The following GFRA1 variants were observed in gnomAD, a reference collection of about 807,000 sequenced individuals.
GFRA1 encodes the protein GDNF family receptor alpha-1.
GFRA1 carries 16 observed loss-of-function variants against 51.6 expected under a neutral mutation model. The observed-to-expected ratio is 0.31, with a 90% CI of 0.21 to 0.47. The LOEUF (loss-of-function observed/expected upper bound fraction) is 0.47. GFRA1 is among the 20% of genes least tolerant of loss of function. The probability of loss-of-function intolerance (pLI) is 1.00; values close to 1 mark genes in which losing one functional copy is unlikely to be tolerated. For synonymous variants in GFRA1, 270 were observed against 241.3 expected, an observed-to-expected ratio of 1.12 and a Z score of -1.10; for missense variants, 530 against 594.3, an observed-to-expected ratio of 0.89 and a Z score of 1.13.
At chr10:116,210,267 C>T (rs943000404) in intron 5 of GFRA1, among the ~76,000 whole-genome samples, 1 of 152,122 alleles carries the variant, frequency 6.6e-6, no homozygotes, top group African/African-American at 2.4e-5. Context: ...CTCCAGTAAC[C>T]TCAACACACA....
intron 5 of GFRA1, among the ~76,000 whole-genome samples, chr10:116,204,579 A>G (rs968008137): frequency 2.6e-4 from 40 of 152,218 alleles, no homozygotes; most frequent in African/African-American, 8.9e-4. Context: ...TTCTAGTGCC[A>G]TAAGTATTAC....
At chr10:116,193,612 C>T (rs1011647210) in intron 5 of GFRA1, among the ~76,000 whole-genome samples, 11 of 152,136 alleles carry the variant, frequency 7.2e-5, no homozygotes, top group Non-Finnish European at 1.5e-4. Context: ...GTCCTGTTAC[C>T]TGAGAAGAGA....
intron 4 of GFRA1, among the ~76,000 whole-genome samples, chr10:116,231,160 C>T (rs975435461): frequency 2.0e-5 from 3 of 152,160 alleles, no homozygotes; most frequent in Non-Finnish European, 4.4e-5. Flanking sequence ...AAGCCGATGC[C>T]TGAAAAAGAT....
intron 5 of GFRA1, among the ~76,000 whole-genome samples, chr10:116,157,664 C>T (rs949132439): frequency 1.4e-4 from 22 of 152,240 alleles, no homozygotes; most frequent in Non-Finnish European, 4.4e-5. Context: ...TCCTCCTCCC[C>T]TCCTCCTGTG....
At chr10:116,240,776 G>C (rs1001975838) in intron 4 of GFRA1, among the ~76,000 whole-genome samples, 1 of 152,122 alleles carries the variant, frequency 6.6e-6, no homozygotes, top group African/African-American at 2.4e-5. Context: ...CATAGAGTGG[G>C]CTGTCTCGAC....
intron 5 of GFRA1, among the ~76,000 whole-genome samples, chr10:116,128,524 G>A (rs3781528): frequency 0.5 from 75,422 of 151,542 alleles, 20,073 homozygotes; most frequent in Admixed American, 0.63. Context: ...AGGAGATCGA[G>A]ACCACCCTGA....
chr10:116,124,584 A>G (rs542612710), intron 6 of GFRA1, among the ~76,000 whole-genome samples: 1 of 152,306 alleles, frequency 6.6e-6, no homozygotes, highest in African/African-American at 2.4e-5. Context: ...TTCAGATATC[A>G]AAGTAAATTC....
In GFRA1 at chr10:116,062,911, A is replaced by C. The variant is rs1589756168; in HGVS notation, c.*1487T>G. On this transcript the variant is annotated 3_prime_UTR_variant, in exon 11 of 11. Coordinates refer to ENST00000355422, the MANE Select transcript of GFRA1 (RefSeq NM_005264.8). ...TCTGTGCCAAGCAACTCATCTCACC[A>C]AACCTAATGTCAACCCTCTTGATCC... is the stretch of plus-strand genomic sequence containing the variant. 1.3e-5 allele frequency: 2 copies of C among 152,328 alleles called. No individual in the cohort carries two copies. Among genetic ancestry groups the C allele is most frequent in the South Asian group, 4.1e-4 (2 of 4,828 alleles). The allele number at this position is 152,328 out of a possible 1,614,324, so 9.4% of individuals were successfully genotyped here.
chr10:116,270,681 T>C, intron 3 of GFRA1, 141 bp downstream of exon 3: 1 of 686,088 alleles, frequency 1.5e-6, no homozygotes, highest in Non-Finnish European at 2.5e-6. Context: ...CAGCTGCCGT[T>C]GTCCCTGGGG....
intron 5 of GFRA1, among the ~76,000 whole-genome samples, chr10:116,209,406 T>TCCTCGG (rs1201462111): frequency 6.6e-6 from 1 of 151,710 alleles, no homozygotes; most frequent in Non-Finnish European, 1.5e-5. Flanking sequence ...CTGGGCAGAG[T>TCCTCGG]CCTCCCTCCC....
intron 4 of GFRA1, among the ~76,000 whole-genome samples, chr10:116,216,995 C>G (rs948862710): frequency 6.6e-6 from 1 of 152,192 alleles, no homozygotes; most frequent in African/African-American, 2.4e-5. Context: ...TCAGTCGGTA[C>G]ATTTCTTCTG....
In GFRA1 at chr10:116,064,487, C is replaced by A; in HGVS notation, c.1309G>T (p.Ala437Ser). The change falls in exon 11 of 11, where the codon GCT becomes TCT. Residue 437 changes from alanine to serine, a missense_variant. Physicochemically the swap from Ala to Ser is moderately conservative, Grantham distance 99. Transcript: ENST00000355422. ...CTCAGACCACAGCTTGGAGGAGCAG[C>A]CATTGATTTTGTGGTTATGTGGCTG... ...ASSHITTKSMAAPPSCGLSPL... is the reference protein window; with the variant it reads ...ASSHITTKSMSAPPSCGLSPL... The A allele has an allele frequency of 6.2e-7, 1 of 1,613,132 alleles. No homozygotes were observed. Among genetic ancestry groups the A allele is most frequent in the Non-Finnish European group, 8.5e-7 (1 of 1,179,390 alleles).
intron 9 of GFRA1, among the ~76,000 whole-genome samples, chr10:116,065,993 A>G (rs1955094019): frequency 1.3e-5 from 2 of 152,194 alleles, no homozygotes; most frequent in Admixed American, 1.3e-4. Context: ...GCAGCCCAGG[A>G]CTAGGTTACT....
intron 6 of GFRA1, among the ~76,000 whole-genome samples, chr10:116,105,804 A>T (rs903275269): frequency 3.3e-5 from 5 of 152,220 alleles, no homozygotes; most frequent in African/African-American, 1.2e-4. Flanking sequence ...ATTAAAAACA[A>T]GATAGATGCT....
chr10:116,079,301 G>A (rs554319107), intron 9 of GFRA1, among the ~76,000 whole-genome samples: 1 of 152,196 alleles, frequency 6.6e-6, no homozygotes, highest in African/African-American at 2.4e-5. Flanking sequence ...ACAGTATTTT[G>A]TTATGACAGC....
intron 5 of GFRA1, among the ~76,000 whole-genome samples, chr10:116,199,867 T>C (rs929208174): frequency 1.3e-5 from 2 of 152,220 alleles, no homozygotes; most frequent in African/African-American, 4.8e-5. Context: ...CCCTCTTGCC[T>C]TTCAAGTCAA....
chr10:116,165,878 A>G (rs1319860951), intron 5 of GFRA1, among the ~76,000 whole-genome samples: 1 of 152,028 alleles, frequency 6.6e-6, no homozygotes, highest in Non-Finnish European at 1.5e-5. Flanking sequence ...TTTGCTGTAC[A>G]GATTATTTCA....
rs541514079 is a variant in GFRA1, at chr10:116,127,220, T to C, written c.434-1663A>G. Among the ~76,000 whole-genome samples, 9 of 152,342 alleles carry C rather than the reference T, an allele frequency of 5.9e-5. No individual in the cohort carries two copies. The South Asian group carries it at 1.2e-3, about 21-fold the overall frequency. On this transcript the variant is annotated intron_variant, in intron 5 of 10. Coordinates refer to ENST00000355422, the MANE Select transcript of GFRA1 (RefSeq NM_005264.8). ...GCCGATTGTTATCAATATTCTATTG[T>C]ACACTTAAAACTTTGTTAAGAGGGT...
At chr10:116,066,206 T>C (rs11599874) in intron 9 of GFRA1, among the ~76,000 whole-genome samples, 37,249 of 152,032 alleles carry the variant, frequency 0.25, 5,305 homozygotes, top group African/African-American at 0.4. Context: ...GCTGGGTATA[T>C]AGTGATGAAC....
Sources: allele counts gnomAD v4.1 joint callset (sites outside exome capture counted in the v4.1 genomes callset), GRCh38; gene constraint gnomAD v4.1.1; transcripts MANE v1.5; gene names NCBI Gene and HGNC (gene_info 2026-07-23, HGNC 2026-07-21).